The following MORC1 variants were observed in gnomAD, a reference collection of about 807,000 sequenced individuals.
MORC1 encodes MORC family CW-type zinc finger 1.
MORC1 carries 59 observed loss-of-function variants against 134.9 expected under a neutral mutation model. The ratio of observed to expected loss-of-function variants is 0.44; its 90% confidence interval spans 0.35 to 0.54. The LOEUF (loss-of-function observed/expected upper bound fraction) is 0.54. Among genes scored for constraint, MORC1 ranks in the 20% least tolerant of loss-of-function variants. MORC1 has a pLI of 0.00. For synonymous variants in MORC1, 395 were observed against 391.7 expected (o/e 1.01, Z -0.10); for missense variants, 947 against 1,134.5 (o/e 0.83, Z 2.37).
intron 9 of MORC1, among the ~76,000 whole-genome samples, chr3:109,069,362 A>G (rs1443617282): frequency 3.3e-5 from 5 of 152,238 alleles, no homozygotes; most frequent in Non-Finnish European, 7.3e-5. Context: ...TCACTGTCAT[A>G]GTACCTAAAA....
intron 3 of MORC1, among the ~76,000 whole-genome samples, chr3:109,108,924 A>G (rs1297441213): frequency 6.6e-6 from 1 of 151,370 alleles, no homozygotes; most frequent in African/African-American, 2.4e-5. Context: ...AAAAGACCAC[A>G]TGTCTACTTA....
intron 14 of MORC1, among the ~76,000 whole-genome samples, chr3:109,052,774 T>A (rs940932158): frequency 2.6e-5 from 4 of 152,200 alleles, no homozygotes; most frequent in African/African-American, 9.7e-5. Flanking sequence ...ATATTCTATT[T>A]CTTGACATAA....
intron 16 of MORC1, among the ~76,000 whole-genome samples, chr3:109,028,352 G>A (rs900031230): frequency 6.6e-6 from 1 of 152,110 alleles, no homozygotes; most frequent in Non-Finnish European, 1.5e-5. Flanking sequence ...GAAGACCCGT[G>A]ACTACCCGTG....
intron 3 of MORC1, chr3:109,109,617 A>C (rs1222255903): frequency 6.6e-6 from 1 of 152,166 alleles, no homozygotes; most frequent in Non-Finnish European, 1.5e-5. Context: ...TGGATATGGA[A>C]GGGAAGATGA....
chr3:109,030,761 A>G (rs1949223290), intron 16 of MORC1, among the ~76,000 whole-genome samples: 1 of 152,230 alleles, frequency 6.6e-6, no homozygotes, highest in Non-Finnish European at 1.5e-5. Context: ...TTAAATCAAT[A>G]AGATCTTGTA....
intron 14 of MORC1, chr3:109,049,040 G>A: frequency 3.1e-6 from 2 of 655,536 alleles, no homozygotes; most frequent in Non-Finnish European, 3.8e-6. Context: ...TTCAAAAACT[G>A]AATTAAAAAG....
chr3:109,010,318 T>C (rs17665148), intron 17 of MORC1, among the ~76,000 whole-genome samples: 10,929 of 152,266 alleles, frequency 0.072, 518 homozygotes, highest in Non-Finnish European at 0.11. Context: ...TATGATTTCA[T>C]TTCTTCTGTT....
chr3:109,011,245 T>C (rs1948674719), intron 17 of MORC1, among the ~76,000 whole-genome samples: 1 of 152,094 alleles, frequency 6.6e-6, no homozygotes, highest in Non-Finnish European at 1.5e-5. Context: ...AAAAAAACCC[T>C]GCCAAACTGT....
chr3:109,108,637 C>T (rs1951089451), intron 3 of MORC1, among the ~76,000 whole-genome samples: 1 of 152,174 alleles, frequency 6.6e-6, no homozygotes, highest in Admixed American at 6.5e-5. Context: ...GTGGCTCAAG[C>T]CTGTAATGCC....
intron 8 of MORC1, among the ~76,000 whole-genome samples, chr3:109,086,784 A>C (rs781161133): frequency 6.6e-6 from 1 of 152,020 alleles, no homozygotes; most frequent in Non-Finnish European, 1.5e-5. Context: ...CAAATTTCTA[A>C]TTTTTCAGAT....
At chr3:109,096,096 A>G (rs1319392748) in intron 6 of MORC1, among the ~76,000 whole-genome samples, 1 of 152,356 alleles carries the variant, frequency 6.6e-6, no homozygotes, top group East Asian at 1.9e-4. Flanking sequence ...CTTCAGAGTT[A>G]TAAGAGAAAA....
intron 27 of MORC1, among the ~76,000 whole-genome samples, chr3:108,960,053 AG>A (rs202046001): frequency 0.015 from 2,281 of 152,338 alleles, 49 homozygotes; most frequent in African/African-American, 0.052. Flanking sequence ...TTTTTTAAAA[AG>A]AGAGAAATCA....
At chr3:109,092,501 G>A (rs1950751082) in intron 8 of MORC1, among the ~76,000 whole-genome samples, 1 of 151,828 alleles carries the variant, frequency 6.6e-6, no homozygotes, top group Non-Finnish European at 1.5e-5. Context: ...GTGGCTATTG[G>A]GCATTAGTCC....
intron 9 of MORC1, among the ~76,000 whole-genome samples, chr3:109,066,842 G>A (rs1950208268): frequency 6.6e-6 from 1 of 152,128 alleles, no homozygotes; most frequent in Non-Finnish European, 1.5e-5. Flanking sequence ...ATTGCCAAAG[G>A]TCCACAACTA....
chr3:109,083,151 G>A (rs1022428837), intron 8 of MORC1, among the ~76,000 whole-genome samples: 1 of 152,038 alleles, frequency 6.6e-6, no homozygotes, highest in African/African-American at 2.4e-5. Flanking sequence ...TGAAAAAAAT[G>A]CTGCTATTCA....
chr3:108,960,034 G>A (rs959095661), intron 27 of MORC1, among the ~76,000 whole-genome samples: 5 of 151,992 alleles, frequency 3.3e-5, no homozygotes, highest in African/African-American at 1.2e-4. Context: ...ATAGGACTAT[G>A]GCAAGTAATT....
chr3:109,027,703 C>A (rs1251463032), intron 17 of MORC1, 48 bp downstream of exon 17: 16 of 1,610,042 alleles, frequency 9.9e-6, no homozygotes, highest in Non-Finnish European at 1.4e-5. Flanking sequence ...ATGAAACCAA[C>A]AGTTAAAGAG....
intron 16 of MORC1, among the ~76,000 whole-genome samples, chr3:109,031,180 C>G (rs936213407): frequency 2.0e-5 from 3 of 152,078 alleles, no homozygotes; most frequent in South Asian, 2.1e-4. Flanking sequence ...CAAGACTGGT[C>G]TAAGAAATCC....
chr3:109,063,180 A>T lies in MORC1; in HGVS notation c.867T>A (p.Val289=). 1 of 1,603,172 alleles carries T rather than the reference A, an allele frequency of 6.2e-7. No homozygotes were observed. ...TCTTTACTGCTTCTTCTGCCTTTTTAACTTCATCTTTAAATGCTCCTTTAA... is the reference window on the plus strand; with the variant it reads ...TCTTTACTGCTTCTTCTGCCTTTTTTACTTCATCTTTAAATGCTCCTTTAA... ...SSFKGAFKDE[V]KKAEEAVKIA... The change falls in exon 10 of 28, where the codon GTT becomes GTA. Residue 289 remains valine, a synonymous_variant. Coordinates refer to ENST00000232603, the MANE Select transcript of MORC1 (RefSeq NM_014429.4).
Sources: gnomAD v4.1 joint callset for allele counts (sites outside exome capture counted in the v4.1 genomes callset) on GRCh38, gnomAD v4.1.1 for gene constraint, MANE v1.5 for transcripts, NCBI Gene and HGNC (gene_info 2026-07-23, HGNC 2026-07-21) for gene names.